RAB27B: variants seen among roughly 807,000 people sequenced by gnomAD.
RAB27B encodes the protein RAB27B, member RAS oncogene family.
A neutral mutation model predicts 24.6 loss-of-function variants in RAB27B; 15 were observed. That is an observed-to-expected ratio of 0.61 (90% CI 0.41 to 0.94). RAB27B has a LOEUF of 0.94. Among genes scored for constraint, RAB27B ranks in the 40% least tolerant of loss-of-function variants. The pLI, the probability that RAB27B is intolerant of heterozygous loss-of-function variation, is 0.00. For missense variants in RAB27B, 261 were observed against 266.8 expected, an observed-to-expected ratio of 0.98 and a Z score of 0.15; for synonymous variants, 105 against 92.5, an observed-to-expected ratio of 1.14 and a Z score of -0.78.
intron 2 of RAB27B, among the ~76,000 whole-genome samples, chr18:54,722,673 C>CT (rs1909398199): frequency 6.6e-6 from 1 of 152,196 alleles, no homozygotes; most frequent in African/African-American, 2.4e-5. Flanking sequence ...TCTAAAGATG[C>CT]TTGGGGTTTT....
chr18:54,735,584 C>T (rs1215232301), intron 2 of RAB27B, among the ~76,000 whole-genome samples: 1 of 152,204 alleles, frequency 6.6e-6, no homozygotes, highest in African/African-American at 2.4e-5. Flanking sequence ...TACATCTCAG[C>T]TCACTGCAAC....
At chr18:54,781,226 C>G (rs1908907123) in intron 2 of RAB27B, among the ~76,000 whole-genome samples, 3 of 152,096 alleles carry the variant, frequency 2.0e-5, no homozygotes, top group Admixed American at 1.3e-4. Context: ...GTCTTTGTCT[C>G]TAACATTAGT....
chr18:54,796,057 G>A (rs138211250), intron 2 of RAB27B, among the ~76,000 whole-genome samples: 4 of 152,102 alleles, frequency 2.6e-5, no homozygotes, highest in Non-Finnish European at 5.9e-5. Context: ...ACACTGATCT[G>A]CTTTCTATTA....
intron 2 of RAB27B, among the ~76,000 whole-genome samples, chr18:54,802,865 T>C (rs1360275515): frequency 1.3e-5 from 2 of 152,190 alleles, no homozygotes; most frequent in African/African-American, 4.8e-5. Context: ...ATGGGACATG[T>C]GCTGCTTTGG....
intron 1 of RAB27B, among the ~76,000 whole-genome samples, chr18:54,864,671 C>G (rs907181923): frequency 6.6e-6 from 1 of 151,590 alleles, no homozygotes; most frequent in African/African-American, 2.4e-5. Flanking sequence ...ATTCTTTTTC[C>G]CATTTATTTG....
intron 2 of RAB27B, among the ~76,000 whole-genome samples, chr18:54,750,553 C>T (rs560972693): frequency 8.2e-4 from 125 of 152,170 alleles, no homozygotes; most frequent in African/African-American, 2.8e-3. Flanking sequence ...TGATTAGTTG[C>T]AGAGACAGAG....
At chr18:54,766,477 G>GA (rs1555654059) in intron 2 of RAB27B, among the ~76,000 whole-genome samples, 1 of 149,962 alleles carries the variant, frequency 6.7e-6, no homozygotes, top group Non-Finnish European at 1.5e-5. Flanking sequence ...TTTTGTTTTT[G>GA]TTTTTTTTTA....
At position 54,760,435 on chromosome 18, in the gene RAB27B, AGT is replaced by A. The variant is rs1266427807; in HGVS notation, c.-20+42296_-20+42297del. Among the ~76,000 whole-genome samples the A allele has an allele frequency of 5.9e-5, 9 of 152,260 alleles. No homozygotes were observed. The East Asian group carries it at 1.7e-3, about 29-fold the overall frequency. ...ATAGACAACTTGAAATTTTATTCTG[AGT>A]GAGGTGAAATGCTATGAAGGGTTTT... is the stretch of plus-strand genomic sequence containing the variant. On this transcript the variant is annotated intron_variant, in intron 2 of 4. Coordinates refer to the RAB27B transcript ENST00000586570.
At chr18:54,844,008 T>C (rs1911220026) in intron 1 of RAB27B, among the ~76,000 whole-genome samples, 2 of 152,128 alleles carry the variant, frequency 1.3e-5, no homozygotes, top group Admixed American at 6.5e-5. Context: ...AACTCTGAGA[T>C]GGCTGCAGGG....
chr18:54,738,021 G>A (rs772585860), intron 2 of RAB27B, among the ~76,000 whole-genome samples: 1 of 151,920 alleles, frequency 6.6e-6, no homozygotes, highest in Non-Finnish European at 1.5e-5. Flanking sequence ...CTGCTGAATG[G>A]GTACAATAAA....
intron 2 of RAB27B, among the ~76,000 whole-genome samples, chr18:54,810,320 T>C (rs964775517): frequency 3.9e-5 from 6 of 152,208 alleles, no homozygotes; most frequent in Non-Finnish European, 8.8e-5. Flanking sequence ...TTTGCTTTCC[T>C]AATAATATAT....
chr18:54,734,412 C>T (rs1909828584), intron 2 of RAB27B, among the ~76,000 whole-genome samples: 2 of 152,246 alleles, frequency 1.3e-5, no homozygotes, highest in Non-Finnish European at 1.5e-5. Context: ...TAGCCTATAA[C>T]TTAGAGCAGA....
intron 1 of RAB27B, among the ~76,000 whole-genome samples, chr18:54,855,586 C>T (rs757542276): frequency 1.3e-5 from 2 of 152,088 alleles, no homozygotes; most frequent in Non-Finnish European, 2.9e-5. Flanking sequence ...AAATAAGACC[C>T]GTTCCAGTAC....
chr18:54,793,167 C>T (rs1251680897), intron 2 of RAB27B, among the ~76,000 whole-genome samples: 1 of 151,612 alleles, frequency 6.6e-6, no homozygotes, highest in East Asian at 1.9e-4. Context: ...AAAATTGAGA[C>T]TATCTCAGTT....
chr18:54,888,290 G>C (rs1327913534), intron 5 of RAB27B, 172 bp downstream of exon 5: 11 of 636,842 alleles, frequency 1.7e-5, no homozygotes, highest in Non-Finnish European at 2.4e-5. Context: ...TTAATAATAA[G>C]AGCACCTAAC....
chr18:54,795,304 A>T lies in RAB27B; in HGVS notation c.-20+77163A>T, dbSNP rs367714546. 9.2e-5 allele frequency among the ~76,000 whole-genome samples: 14 copies of T among 152,306 alleles called. No individual in the cohort carries two copies. In the East Asian group the frequency reaches 1.7e-3, roughly 19 times the overall value. On this transcript the variant is annotated intron_variant, in intron 2 of 4. Transcript: ENST00000586570. ...CTGTTAAATTTACCCCATAGCAACA[A>T]GGCCAACATTGTATTATGGATGTAC...
intron 1 of RAB27B, among the ~76,000 whole-genome samples, chr18:54,875,132 G>C (rs1014243302): frequency 6.6e-6 from 1 of 152,052 alleles, no homozygotes; most frequent in Non-Finnish European, 1.5e-5. Flanking sequence ...AAACCAGCCT[G>C]GGCAACATAG....
At chr18:54,825,757 C>T (rs966227229), upstream of RAB27B, among the ~76,000 whole-genome samples, 2 of 152,116 alleles carry the variant, frequency 1.3e-5, no homozygotes, top group African/African-American at 2.4e-5. Context: ...GATGGAGGAA[C>T]TTATGGTTGG....
At chr18:54,831,926 C>T (rs1365337070) in intron 1 of RAB27B, among the ~76,000 whole-genome samples, 1 of 152,106 alleles carries the variant, frequency 6.6e-6, no homozygotes, top group Non-Finnish European at 1.5e-5. Context: ...CAGGCATGCA[C>T]CACCATGCCC....
Sources: gnomAD v4.1 joint callset for allele counts (sites outside exome capture counted in the v4.1 genomes callset) on GRCh38, gnomAD v4.1.1 for gene constraint, MANE v1.5 for transcripts, NCBI Gene and HGNC (gene_info 2026-07-23, HGNC 2026-07-21) for gene names.